The following VAC14 variants were observed in gnomAD, a reference collection of about 807,000 sequenced individuals.
VAC14 encodes protein VAC14 homolog.
VAC14 carries 47 observed loss-of-function variants against 85.3 expected under a neutral mutation model. The observed-to-expected ratio is 0.55, with a 90% CI of 0.44 to 0.70. VAC14 has a LOEUF of 0.70. Among genes scored for constraint, VAC14 ranks in the 30% least tolerant of loss-of-function variants. The probability of loss-of-function intolerance (pLI) is 0.00; values close to 1 mark genes in which losing one functional copy is unlikely to be tolerated. For missense variants in VAC14, 861 were observed against 1,004.3 expected (o/e 0.86, Z 1.93); for synonymous variants, 447 against 430.5 (o/e 1.04, Z -0.47).
chr16:70,722,725 G>A (rs1468137753), intron 14 of VAC14, among the ~76,000 whole-genome samples: 1 of 152,184 alleles, frequency 6.6e-6, no homozygotes, highest in Admixed American at 6.5e-5. Context: ...GGCCCAAGGA[G>A]GCAGAGGATG....
intron 10 of VAC14, chr16:70,771,380 G>C (rs1278246629): frequency 6.6e-6 from 1 of 152,158 alleles, no homozygotes; most frequent in East Asian, 1.9e-4. Context: ...TGCTCAGGCT[G>C]TCCTTGAACA....
chr16:70,760,461 ATCAGGACTCATCACTAATGATGAAGG>A (rs1218002694), intron 12 of VAC14, among the ~76,000 whole-genome samples: 1 of 152,170 alleles, frequency 6.6e-6, no homozygotes, highest in Non-Finnish European at 1.5e-5. Context: ...ATGGGGTAAG[ATCAGGACTCATCACTAATGATGAAGG>A]TCCCCAAATC....
chr16:70,692,008 A>G (rs917144108), intron 18 of VAC14: 2 of 984,686 alleles, frequency 2.0e-6, no homozygotes, highest in African/African-American at 3.5e-5. Context: ...CGCTCCATTC[A>G]GCGTAAATCT....
At chr16:70,695,216 A>T (rs2053681754) in intron 17 of VAC14, among the ~76,000 whole-genome samples, 1 of 150,208 alleles carries the variant, frequency 6.7e-6, no homozygotes. Context: ...GGCTCAAGTG[A>T]TCCTCCTACC....
chr16:70,785,263 G>A (rs1391660306), intron 3 of VAC14, among the ~76,000 whole-genome samples: 1 of 152,200 alleles, frequency 6.6e-6, no homozygotes, highest in Admixed American at 6.5e-5. Context: ...GCATTGCAGG[G>A]CTGCTCCGCG....
At chr16:70,761,683 T>G (rs1162715363) in intron 12 of VAC14, among the ~76,000 whole-genome samples, 1 of 152,000 alleles carries the variant, frequency 6.6e-6, no homozygotes, top group African/African-American at 2.4e-5. Context: ...GTACTCCAGC[T>G]CTCTCAGAGG....
intron 13 of VAC14, among the ~76,000 whole-genome samples, chr16:70,739,208 G>A (rs1370973512): frequency 2.0e-5 from 3 of 152,220 alleles, no homozygotes; most frequent in African/African-American, 4.8e-5. Flanking sequence ...CCGAGGTCAC[G>A]GGATGGATGG....
intron 13 of VAC14, 63 bp from the exon 14 acceptor site, chr16:70,731,690 C>A: frequency 1.4e-6 from 2 of 1,425,468 alleles, no homozygotes; most frequent in Non-Finnish European, 9.3e-7. Flanking sequence ...TGATGAGATC[C>A]ACACAGAATA....
intron 7 of VAC14, among the ~76,000 whole-genome samples, 185 bp from the exon 8 acceptor site, chr16:70,782,188 C>T (rs759726605): frequency 9.8e-5 from 15 of 152,348 alleles, no homozygotes; most frequent in Non-Finnish European, 1.8e-4. Context: ...CAGGCTGGGA[C>T]GGAGCAACAA....
intron 12 of VAC14, among the ~76,000 whole-genome samples, chr16:70,753,730 G>A (rs1350012894): frequency 7.9e-5 from 12 of 152,210 alleles, no homozygotes; most frequent in Admixed American, 4.6e-4. Flanking sequence ...CCAAGCAGCT[G>A]GATTTTAAAA....
intron 12 of VAC14, chr16:70,756,049 A>G (rs1478673202): frequency 2.2e-6 from 1 of 456,646 alleles, no homozygotes; most frequent in Non-Finnish European, 4.4e-6. Context: ...TGGCCAACCC[A>G]CCTGACCACG....
At chr16:70,761,996 A>C (rs1597962187) in intron 12 of VAC14, among the ~76,000 whole-genome samples, 1 of 151,434 alleles carries the variant, frequency 6.6e-6, no homozygotes, top group Non-Finnish European at 1.5e-5. Flanking sequence ...GGGCAGCCTC[A>C]CTCCAAGCCA....
At chr16:70,778,947 C>A (rs942295923) in intron 9 of VAC14, 1 of 152,212 alleles carries the variant, frequency 6.6e-6, no homozygotes, top group Non-Finnish European at 1.5e-5. Flanking sequence ...AAAAGCTCCT[C>A]CCTTTGAAGG....
chr16:70,690,306 C>G (rs764709781), intron 18 of VAC14: 46 of 985,374 alleles, frequency 4.7e-5, no homozygotes, highest in Non-Finnish European at 5.5e-5. Context: ...GAGGCCAGGC[C>G]CGCTCTCCCT....
At chr16:70,758,906 G>A (rs1227152832) in intron 12 of VAC14, among the ~76,000 whole-genome samples, 3 of 152,242 alleles carry the variant, frequency 2.0e-5, no homozygotes, top group Non-Finnish European at 2.9e-5. Context: ...ACGTCTGCAA[G>A]GAGCAGGTGG....
rs2032523476 is a variant in VAC14, at chr16:70,762,977, G to A, written c.1209C>T (p.Val403=). 1 of 1,614,230 alleles carries A rather than the reference G, an allele frequency of 6.2e-7. No homozygotes were observed. The highest frequency in any genetic ancestry group is 8.5e-7 in the Non-Finnish European group (1 of 1,180,046). Residue 403 remains valine, a synonymous_variant, in exon 11 of 19, where the codon GTC becomes GTT. Coordinates refer to ENST00000261776, the MANE Select transcript of VAC14 (RefSeq NM_018052.5). This position sits in a 1 kb window ranked among gnomAD's most constrained non-coding sequence, Gnocchi z 4.1. ...VTLHLDGIVQ[V]LNCHLSDTAI... Reference sequence around the variant, plus strand: ...CCGTGTCACTGAGGTGGCAGTTTAGGACCTGCACGATCCCGTCGAGGTGAA... The same window carrying A: ...CCGTGTCACTGAGGTGGCAGTTTAGAACCTGCACGATCCCGTCGAGGTGAA...
intron 14 of VAC14, among the ~76,000 whole-genome samples, chr16:70,726,975 A>G (rs1407132741): frequency 6.6e-6 from 1 of 152,164 alleles, no homozygotes; most frequent in East Asian, 1.9e-4. Flanking sequence ...GGCCTGGGAA[A>G]GCTGCCTGGG....
At chr16:70,692,073 C>T (rs918275605) in intron 18 of VAC14, 18 of 982,420 alleles carry the variant, frequency 1.8e-5, no homozygotes, top group Non-Finnish European at 2.0e-5. Context: ...TTTTCCATCT[C>T]GGATGCCAAA....
chr16:70,732,499 T>G (rs558255717), intron 13 of VAC14, among the ~76,000 whole-genome samples: 1 of 152,174 alleles, frequency 6.6e-6, no homozygotes, highest in Non-Finnish European at 1.5e-5. Flanking sequence ...GATGGAATAC[T>G]TGGATGGTCT....
Sources: allele counts gnomAD v4.1 joint callset (sites outside exome capture counted in the v4.1 genomes callset), GRCh38; gene constraint gnomAD v4.1.1; non-coding constraint Gnocchi (gnomAD v3.1); transcripts MANE v1.5; gene names NCBI Gene and HGNC (gene_info 2026-07-23, HGNC 2026-07-21).